SPHKAP: variants seen among roughly 807,000 people sequenced by gnomAD.
SPHKAP encodes SPHK1 interactor, AKAP domain containing.
In SPHKAP, 67 loss-of-function variants were observed where a neutral mutation model predicts 137.5. The observed-to-expected ratio is 0.49, with a 90% CI of 0.40 to 0.60. The LOEUF (loss-of-function observed/expected upper bound fraction) is 0.60, where lower values mean the gene tolerates loss of function less well. SPHKAP is among the 20% of genes least tolerant of loss of function. SPHKAP has a pLI of 0.00. For missense variants in SPHKAP, 2,097 were observed against 2,069.3 expected, an observed-to-expected ratio of 1.01 and a Z score of -0.26; for synonymous variants, 813 against 785.3, an observed-to-expected ratio of 1.04 and a Z score of -0.59.
intron 7 of SPHKAP, among the ~76,000 whole-genome samples, chr2:228,002,835 C>T (rs535320348): frequency 6.6e-6 from 1 of 152,138 alleles, no homozygotes; most frequent in Non-Finnish European, 1.5e-5. Context: ...ATCCTTTCCC[C>T]ATTTCTTGTT....
chr2:227,982,160 T>A (rs1693025025), intron 11 of SPHKAP: 3 of 985,040 alleles, frequency 3.0e-6, no homozygotes, highest in Non-Finnish European at 2.4e-6. Context: ...AGATATTTAG[T>A]GTTTTCTTGG....
At chr2:227,987,221 G>A (rs1471127687) in intron 11 of SPHKAP, among the ~76,000 whole-genome samples, 1 of 152,214 alleles carries the variant, frequency 6.6e-6, no homozygotes, top group Non-Finnish European at 1.5e-5. Flanking sequence ...TCCAATTTGT[G>A]AATAAATGTC....
At chr2:228,091,498 A>C (rs115519074) in intron 3 of SPHKAP, among the ~76,000 whole-genome samples, 483 of 152,350 alleles carry the variant, frequency 3.2e-3, no homozygotes, top group African/African-American at 0.011. Flanking sequence ...AAGCGGGAGA[A>C]AATCTTCACA....
At chr2:228,151,670 T>C (rs1181761817) in intron 1 of SPHKAP, among the ~76,000 whole-genome samples, 1 of 152,188 alleles carries the variant, frequency 6.6e-6, no homozygotes, top group African/African-American at 2.4e-5. Context: ...GATTTGATAG[T>C]TTAAAAAAAT....
intron 2 of SPHKAP, among the ~76,000 whole-genome samples, chr2:228,112,324 T>G (rs1186867331): frequency 6.6e-6 from 1 of 152,106 alleles, no homozygotes; most frequent in Non-Finnish European, 1.5e-5. Context: ...ACAATGCAGT[T>G]TAACAAACAT....
chr2:227,990,989 G>C lies in SPHKAP; in HGVS notation c.4959+11C>G, dbSNP rs1197546412. The stretch of plus-strand genomic sequence containing the variant: ...AAAGCTTTCTTGTTTTCCAAACCTG[G>C]TACATGATACCTTTTCAATTCTGTT... On this transcript the variant is annotated intron_variant, in intron 11 of 11. Coordinates refer to ENST00000392056, the MANE Select transcript of SPHKAP (RefSeq NM_001142644.2). The C allele has an allele frequency of 1.2e-6, 2 of 1,612,330 alleles. No individual in the cohort carries two copies. Among genetic ancestry groups the C allele is most frequent in the Admixed American group, 1.7e-5 (1 of 59,984 alleles).
intron 1 of SPHKAP, among the ~76,000 whole-genome samples, chr2:228,170,233 G>A (rs970310328): frequency 6.6e-5 from 10 of 152,190 alleles, no homozygotes; most frequent in African/African-American, 2.2e-4. Flanking sequence ...GTTTGTTTGC[G>A]ATGGAGCCTA....
intron 3 of SPHKAP, among the ~76,000 whole-genome samples, chr2:228,080,109 G>A (rs1697312696): frequency 6.6e-6 from 1 of 151,486 alleles, no homozygotes; most frequent in East Asian, 1.9e-4. Context: ...GGTAACAAAA[G>A]CAAAAATAGA....
In SPHKAP at chr2:227,990,840, A is replaced by G. The variant is rs1693385904; in HGVS notation, c.4959+160T>C. 5 of 708,516 alleles carry G rather than the reference A, an allele frequency of 7.1e-6. No homozygotes were observed. In the East Asian group the frequency reaches 1.4e-4, roughly 19 times the overall value. 43.9% of individuals were successfully genotyped at this position (708,516 alleles called of 1,614,324 possible). ...AAGAAACGCTAAGTATATTATATTT[A>G]CACAGGTGGAAGATTTCAATGTTCT... On this transcript the variant is annotated intron_variant, in intron 11 of 11. Transcript: ENST00000392056.
At chr2:228,153,212 C>G (rs1699992817) in intron 1 of SPHKAP, among the ~76,000 whole-genome samples, 1 of 152,146 alleles carries the variant, frequency 6.6e-6, no homozygotes, top group Non-Finnish European at 1.5e-5. Context: ...ATGCACCCTC[C>G]TAACTTACAT....
rs1693503971 is a variant in SPHKAP at position 227,993,573 on chromosome 2, T to C, written c.4682A>G (p.Asp1561Gly). 1.9e-6 allele frequency: 3 copies of C among 1,604,736 alleles called. No homozygotes were observed. The highest frequency in any genetic ancestry group is 2.6e-6 in the Non-Finnish European group (3 of 1,175,636). Residue 1561 changes from aspartate (D) to glycine (G), a missense_variant, in exon 9 of 12, where the codon GAC becomes GGC. Coordinates refer to ENST00000392056, the MANE Select transcript of SPHKAP (RefSeq NM_001142644.2). ...AGATGGCATGCTTTCCTGATAAATG[T>C]CCAGATCCATAATGCCAAGACTGCT... is the stretch of plus-strand genomic sequence containing the variant. Reference protein sequence around the residue: ...ATSSLGIMDLDIYQESMPSSP... With the variant: ...ATSSLGIMDLGIYQESMPSSP...
chr2:228,001,142 C>T (rs1413676405), intron 7 of SPHKAP, among the ~76,000 whole-genome samples: 1 of 151,108 alleles, frequency 6.6e-6, no homozygotes, highest in Non-Finnish European at 1.5e-5. Flanking sequence ...TAATGTTGAA[C>T]ATCTTTTTAT....
At chr2:228,058,586 C>T (rs938021372) in intron 3 of SPHKAP, among the ~76,000 whole-genome samples, 1 of 152,172 alleles carries the variant, frequency 6.6e-6, no homozygotes, top group African/African-American at 2.4e-5. Flanking sequence ...CCCCGCTCCC[C>T]GTTCACTAAC....
In SPHKAP at chr2:228,021,780, T is replaced by C. The variant is rs144635898; in HGVS notation, c.628A>G (p.Ile210Val). The C allele has an allele frequency of 1.2e-5, 19 of 1,614,076 alleles. No individual in the cohort carries two copies. Among genetic ancestry groups the C allele is most frequent in the African/African-American group, 2.7e-5 (2 of 74,948 alleles). Residue 210 changes from isoleucine (I) to valine (V), a missense_variant, in exon 6 of 12, where the codon ATC becomes GTC. By Grantham distance (29) the Ile-to-Val change is conservative. Coordinates refer to ENST00000392056, the MANE Select transcript of SPHKAP (RefSeq NM_001142644.2). The stretch of plus-strand genomic sequence containing the variant: ...GAAGCGGTGAGAAAGTCTTCCTCGA[T>C]TGAAGATAAGGAACAGTTCGTGTCA... ...EDDTNCSLSS[I>V]EEDFLTASEH...
At chr2:228,149,878 A>G (rs1699880913) in intron 1 of SPHKAP, among the ~76,000 whole-genome samples, 1 of 152,162 alleles carries the variant, frequency 6.6e-6, no homozygotes, top group Non-Finnish European at 1.5e-5. Context: ...AATAAACTGG[A>G]AATGCTCAGA....
At chr2:228,098,731 G>A (rs1698087067) in intron 3 of SPHKAP, among the ~76,000 whole-genome samples, 1 of 146,100 alleles carries the variant, frequency 6.8e-6, no homozygotes, top group African/African-American at 2.6e-5. Context: ...CCTGCACGTT[G>A]TGCACATGTA....
At chr2:228,004,325 C>A (rs904138381) in intron 7 of SPHKAP, among the ~76,000 whole-genome samples, 1 of 152,126 alleles carries the variant, frequency 6.6e-6, no homozygotes, top group Non-Finnish European at 1.5e-5. Context: ...TCCGTTTCTT[C>A]TAGATTTTCT....
chr2:228,098,400 G>A (rs1698066866), intron 3 of SPHKAP, among the ~76,000 whole-genome samples: 1 of 152,064 alleles, frequency 6.6e-6, no homozygotes, highest in African/African-American at 2.4e-5. Context: ...AAGAAAATGT[G>A]GCACATATAC....
chr2:228,005,842 G>A (rs1392580838), intron 7 of SPHKAP, among the ~76,000 whole-genome samples: 1 of 152,176 alleles, frequency 6.6e-6, no homozygotes. Context: ...ATTCTGGGTT[G>A]AAAATTCTTT....
Sources: gnomAD v4.1 joint callset for allele counts (sites outside exome capture counted in the v4.1 genomes callset) on GRCh38, gnomAD v4.1.1 for gene constraint, MANE v1.5 for transcripts, NCBI Gene and HGNC (gene_info 2026-07-23, HGNC 2026-07-21) for gene names.